ZNF385D: variants seen among roughly 807,000 people sequenced by gnomAD.
ZNF385D encodes zinc finger protein 659.
ZNF385D carries 15 observed loss-of-function variants against 35.8 expected under a neutral mutation model. That is an observed-to-expected ratio of 0.42 (90% CI 0.28 to 0.64). ZNF385D has a LOEUF of 0.64. Among genes scored for constraint, ZNF385D ranks in the 30% least tolerant of loss-of-function variants. ZNF385D has a pLI of 0.23. For synonymous variants in ZNF385D, 212 were observed against 186.8 expected, an observed-to-expected ratio of 1.13 and a Z score of -1.10; for missense variants, 474 against 494.6, an observed-to-expected ratio of 0.96 and a Z score of 0.39.
chr3:21,658,981 A>C (rs1244630889), intron 2 of ZNF385D, among the ~76,000 whole-genome samples: 1 of 152,010 alleles, frequency 6.6e-6, no homozygotes. Flanking sequence ...TGTTTAAAGG[A>C]GTACTAATCA....
chr3:22,043,524 G>A (rs576797795), intron 3 of ZNF385D, among the ~76,000 whole-genome samples: 2 of 152,092 alleles, frequency 1.3e-5, no homozygotes, highest in African/African-American at 4.8e-5. Flanking sequence ...AACAGCAAGA[G>A]CAAGTAAATA....
intron 3 of ZNF385D, among the ~76,000 whole-genome samples, chr3:21,771,272 G>A (rs2071067881): frequency 6.6e-6 from 1 of 151,034 alleles, no homozygotes; most frequent in South Asian, 2.1e-4. Context: ...AGCCTTAAAT[G>A]TACACCTCTG....
intron 3 of ZNF385D, among the ~76,000 whole-genome samples, chr3:21,868,145 T>C (rs768850894): frequency 6.6e-6 from 1 of 152,104 alleles, no homozygotes; most frequent in Non-Finnish European, 1.5e-5. Context: ...TTGGCAAACA[T>C]TTTCTGTAGA....
chr3:21,872,305 C>T (rs1475520143), intron 3 of ZNF385D, among the ~76,000 whole-genome samples: 3 of 152,146 alleles, frequency 2.0e-5, no homozygotes, highest in Admixed American at 1.3e-4. Context: ...TGCATTTTCT[C>T]ATAGTGCATG....
At chr3:21,594,009 T>G (rs925321337) in intron 2 of ZNF385D, among the ~76,000 whole-genome samples, 1 of 152,056 alleles carries the variant, frequency 6.6e-6, no homozygotes, top group Non-Finnish European at 1.5e-5. Flanking sequence ...TTAAGGCAGT[T>G]TAACTACCAG....
At chr3:21,851,085 T>C (rs1198091451) in intron 3 of ZNF385D, among the ~76,000 whole-genome samples, 1 of 144,102 alleles carries the variant, frequency 6.9e-6, no homozygotes, top group Admixed American at 7.1e-5. Context: ...CTAATATTAT[T>C]ACCATGTTTA....
At chr3:22,372,531 C>T in exon 2 of ZNF385D, 1 of 985,842 alleles carries the variant, frequency 1.0e-6, no homozygotes, top group Non-Finnish European at 1.2e-6. Flanking sequence ...CTGCTGGCGG[C>T]CGCCCGGCGC....
chr3:21,621,294 T>A (rs1317943946), intron 2 of ZNF385D, among the ~76,000 whole-genome samples: 1 of 152,130 alleles, frequency 6.6e-6, no homozygotes, highest in Admixed American at 6.6e-5. Context: ...TTCTAAGTCC[T>A]ATTAAAGTAA....
chr3:22,340,723 C>A lies in ZNF385D; in HGVS notation c.106+31727G>T, dbSNP rs572083276. Among the ~76,000 whole-genome samples the A allele has an allele frequency of 2.0e-5, 3 of 152,238 alleles. No homozygotes were observed. The South Asian group carries it at 6.2e-4, about 32-fold the overall frequency. ...AATACAAGTACATGATAGGACCCACCTTCCTAGTGTCTCCTTACATTCACA... is the reference window on the plus strand; with the variant it reads ...AATACAAGTACATGATAGGACCCACATTCCTAGTGTCTCCTTACATTCACA... On this transcript the variant is annotated intron_variant, in intron 2 of 5. Coordinates refer to the ZNF385D transcript ENST00000494108.
At chr3:22,227,637 A>G (rs1172317045) in intron 2 of ZNF385D, among the ~76,000 whole-genome samples, 2 of 152,166 alleles carry the variant, frequency 1.3e-5, no homozygotes, top group Non-Finnish European at 2.9e-5. Flanking sequence ...TAGTGATGGC[A>G]GGGAAGAGAT....
At chr3:21,605,893 TTTGA>T (rs1289797912) in intron 2 of ZNF385D, among the ~76,000 whole-genome samples, 1 of 152,220 alleles carries the variant, frequency 6.6e-6, no homozygotes, top group Admixed American at 6.5e-5. Context: ...ACACTATCCA[TTTGA>T]TTAATCAAAT....
intron 3 of ZNF385D, among the ~76,000 whole-genome samples, chr3:22,067,746 G>A (rs2695622): frequency 0.13 from 19,669 of 152,192 alleles, 1,564 homozygotes; most frequent in Middle Eastern, 0.22. Context: ...ATATCTGGCT[G>A]GGCATGGTGG....
intron 2 of ZNF385D, among the ~76,000 whole-genome samples, chr3:22,311,593 A>G (rs763032016): frequency 6.6e-6 from 1 of 152,122 alleles, no homozygotes; most frequent in Non-Finnish European, 1.5e-5. Flanking sequence ...AATATTTCTA[A>G]ACGTAAAGAT....
intron 3 of ZNF385D, among the ~76,000 whole-genome samples, chr3:22,141,435 T>A (rs934042788): frequency 6.6e-5 from 10 of 152,214 alleles, no homozygotes; most frequent in Non-Finnish European, 1.3e-4. Context: ...CTGTTATAAA[T>A]CTTGATTTTG....
At chr3:21,725,742 T>G (rs953808815) in intron 1 of ZNF385D, among the ~76,000 whole-genome samples, 2 of 152,176 alleles carry the variant, frequency 1.3e-5, no homozygotes, top group African/African-American at 4.8e-5. Flanking sequence ...AGCTGAATTC[T>G]ACCAGAGGTA....
chr3:22,234,783 A>G (rs1228127259), intron 2 of ZNF385D, among the ~76,000 whole-genome samples: 9 of 152,028 alleles, frequency 5.9e-5, no homozygotes, highest in Non-Finnish European at 1.2e-4. Flanking sequence ...ACTATGAAAT[A>G]TATTTCTATA....
chr3:22,042,556 A>C (rs1402500900), intron 3 of ZNF385D, among the ~76,000 whole-genome samples: 2 of 152,170 alleles, frequency 1.3e-5, no homozygotes, highest in Non-Finnish European at 2.9e-5. Context: ...GCTATTTCCA[A>C]GAGCTCAATA....
intron 1 of ZNF385D, among the ~76,000 whole-genome samples, chr3:21,700,436 T>G (rs566844423): frequency 6.6e-6 from 1 of 152,382 alleles, no homozygotes; most frequent in Non-Finnish European, 1.5e-5. Flanking sequence ...CCTGGACTTA[T>G]ATAGATAAGC....
chr3:21,470,424 A>C (rs1575206394), intron 4 of ZNF385D, among the ~76,000 whole-genome samples: 1 of 152,284 alleles, frequency 6.6e-6, no homozygotes, highest in Non-Finnish European at 1.5e-5. Context: ...TAAAACTGTC[A>C]GAGTAAAAAA....
Sources: gnomAD v4.1 joint callset for allele counts (sites outside exome capture counted in the v4.1 genomes callset) on GRCh38, gnomAD v4.1.1 for gene constraint, MANE v1.5 for transcripts, NCBI Gene and HGNC (gene_info 2026-07-23, HGNC 2026-07-21) for gene names.